The following SMOC2 variants were observed in gnomAD, a reference collection of about 807,000 sequenced individuals.
SMOC2 encodes SPARC related modular calcium binding 2, also known as SPARC-related modular calcium-binding protein 2.
SMOC2 carries 39 observed loss-of-function variants against 61.4 expected under a neutral mutation model. The ratio of observed to expected loss-of-function variants is 0.64; its 90% confidence interval spans 0.49 to 0.83. The LOEUF (loss-of-function observed/expected upper bound fraction) is 0.83. Ranked by LOEUF, SMOC2 falls within the 40% of genes least tolerant of loss-of-function variation. SMOC2 has a pLI of 0.00. For missense variants in SMOC2, 556 were observed against 592.9 expected (o/e 0.94, Z 0.65); for synonymous variants, 247 against 239.9 (o/e 1.03, Z -0.27).
In SMOC2 at chr6:168,453,649, TCTCTCTGTCTCTTC is replaced by T. The variant is rs1230387055; in HGVS notation, c.84+12198_84+12211del. Among the ~76,000 whole-genome samples the T allele has an allele frequency of 3.3e-5, 5 of 151,912 alleles. No homozygotes were observed. The highest frequency in any genetic ancestry group is 1.2e-4 in the African/African-American group (5 of 41,372). On this transcript the variant is annotated intron_variant, in intron 1 of 12. Coordinates refer to ENST00000356284, the MANE Select transcript of SMOC2 (RefSeq NM_001166412.2). This position sits in a 1 kb window ranked among gnomAD's most constrained non-coding sequence, Gnocchi z 4.4. Reference sequence around the variant, plus strand: ...GTCTCTTTGTCTCTCTCTGTCTCTTTCTCTCTGTCTCTTCCTGTCTCTTTCTGTCTCTGTCTCTC... The same window carrying T: ...GTCTCTTTGTCTCTCTCTGTCTCTTTCTGTCTCTTTCTGTCTCTGTCTCTC...
In SMOC2 at chr6:168,553,500, G is replaced by A. The variant is rs1034136357; in HGVS notation, c.637+4297G>A. 1.3e-5 allele frequency among the ~76,000 whole-genome samples: 2 copies of A among 152,168 alleles called. No individual in the cohort carries two copies. The highest frequency in any genetic ancestry group is 4.8e-5 in the African/African-American group (2 of 41,430). On this transcript the variant is annotated intron_variant, in intron 7 of 12. Coordinates refer to ENST00000356284, the MANE Select transcript of SMOC2 (RefSeq NM_001166412.2). This position sits in a 1 kb window ranked among gnomAD's most constrained non-coding sequence, Gnocchi z 4.2. ...TTAAGTACTTTCTAGATTTCTGCCT[G>A]ATTTCCTTTAAAACCAATCTAAAAC...
At chr6:168,619,195 A>G (rs1443323229) in intron 9 of SMOC2, among the ~76,000 whole-genome samples, 1 of 152,214 alleles carries the variant, frequency 6.6e-6, no homozygotes, top group Non-Finnish European at 1.5e-5. Flanking sequence ...ATAAAGTGCC[A>G]TTTAAAAAAT....
chr6:168,627,283 A>C (rs1786437971), intron 9 of SMOC2, among the ~76,000 whole-genome samples: 1 of 152,212 alleles, frequency 6.6e-6, no homozygotes, highest in African/African-American at 2.4e-5. Flanking sequence ...TGCCCTTTGG[A>C]AAGTGTGATA....
intron 1 of SMOC2, among the ~76,000 whole-genome samples, chr6:168,494,321 C>A (rs1218648349): frequency 6.6e-6 from 1 of 152,194 alleles, no homozygotes; most frequent in Non-Finnish European, 1.5e-5. Context: ...ATGTGATAAG[C>A]TGGTCTCCTT....
intron 1 of SMOC2, among the ~76,000 whole-genome samples, chr6:168,476,114 A>G (rs1034038483): frequency 1.3e-5 from 2 of 152,172 alleles, no homozygotes; most frequent in Admixed American, 6.5e-5. Flanking sequence ...TTTCTGATTC[A>G]AACTCTATTT....
intron 8 of SMOC2, among the ~76,000 whole-genome samples, chr6:168,601,316 G>A (rs115414779): frequency 0.026 from 4,008 of 152,238 alleles, 166 homozygotes; most frequent in African/African-American, 0.091. Context: ...GCGCTCCACC[G>A]TCCGGCCGCC....
intron 7 of SMOC2, among the ~76,000 whole-genome samples, chr6:168,598,095 CCT>C (rs1461153917): frequency 6.6e-6 from 1 of 152,192 alleles, no homozygotes; most frequent in Non-Finnish European, 1.5e-5. Flanking sequence ...AGTATGAATA[CCT>C]CTCATTATTA....
At chr6:168,467,524 G>A (rs1583037402) in intron 1 of SMOC2, among the ~76,000 whole-genome samples, 1 of 152,162 alleles carries the variant, frequency 6.6e-6, no homozygotes, top group East Asian at 1.9e-4. Flanking sequence ...TAGCCAAGAT[G>A]GTCTCTATCT....
intron 12 of SMOC2, 27 bp from the exon 13 acceptor site, chr6:168,666,394 G>C (rs766873726): frequency 2.5e-6 from 4 of 1,613,634 alleles, no homozygotes; most frequent in Non-Finnish European, 2.5e-6. Flanking sequence ...TGAATATAAT[G>C]TCTCTTTTTT....
intron 7 of SMOC2, among the ~76,000 whole-genome samples, chr6:168,563,271 T>C (rs1362164450): frequency 6.8e-6 from 1 of 147,506 alleles, no homozygotes; most frequent in Non-Finnish European, 1.5e-5. Flanking sequence ...TCGATGTATG[T>C]ATGTATGTAA....
intron 9 of SMOC2, among the ~76,000 whole-genome samples, chr6:168,630,957 C>G (rs1288146212): frequency 6.6e-6 from 1 of 152,168 alleles, no homozygotes; most frequent in East Asian, 1.9e-4. Flanking sequence ...CAATGGTGCC[C>G]AAAACTTCAT....
chr6:168,451,512 C>G (rs1434990367), intron 1 of SMOC2, among the ~76,000 whole-genome samples: 1 of 152,142 alleles, frequency 6.6e-6, no homozygotes, highest in Admixed American at 6.5e-5. Context: ...AGAGCCCTCT[C>G]TCTGTGCCCT....
Position 168,452,895 on chromosome 6 carries a change from A to C in SMOC2, c.84+11441A>C, listed in dbSNP as rs899142082. Among the ~76,000 whole-genome samples, 1 of 152,222 alleles carries C rather than the reference A, an allele frequency of 6.6e-6. No homozygotes were observed. The highest frequency in any genetic ancestry group is 1.9e-4 in the East Asian group (1 of 5,190). On this transcript the variant is annotated intron_variant, in intron 1 of 12. Transcript: ENST00000356284. The surrounding 1 kb of genome is among the most constrained non-coding windows in gnomAD (Gnocchi z 5.0). ...GGAGGCTGACACGAGGCTGACTCCCAGGCCACACTCTGTCAATTTCTGGGG... is the reference window on the plus strand; with the variant it reads ...GGAGGCTGACACGAGGCTGACTCCCCGGCCACACTCTGTCAATTTCTGGGG...
At chr6:168,583,907 C>T (rs1784982668) in intron 7 of SMOC2, among the ~76,000 whole-genome samples, 1 of 151,572 alleles carries the variant, frequency 6.6e-6, no homozygotes, top group African/African-American at 2.4e-5. Context: ...GAGGGCCTTG[C>T]AGCCGCTCCG....
At chr6:168,534,133 AT>A (rs147934946) in intron 4 of SMOC2, among the ~76,000 whole-genome samples, 9,584 of 152,132 alleles carry the variant, frequency 0.063, 530 homozygotes, top group East Asian at 0.3. Flanking sequence ...AAACTTGTGA[AT>A]TTTTTTCAGA....
At chr6:168,598,197 G>A (rs73262504) in intron 7 of SMOC2, among the ~76,000 whole-genome samples, 35 of 152,322 alleles carry the variant, frequency 2.3e-4, no homozygotes, top group South Asian at 1.7e-3. Flanking sequence ...TTTAGATAGC[G>A]TGCACCTGTT....
intron 9 of SMOC2, among the ~76,000 whole-genome samples, chr6:168,642,194 A>G (rs1437313927): frequency 2.0e-5 from 3 of 152,262 alleles, no homozygotes; most frequent in Non-Finnish European, 4.4e-5. Flanking sequence ...CAGAGACTCC[A>G]GCACAGCCAC....
At chr6:168,546,151 G>C (rs928710339) in intron 5 of SMOC2, among the ~76,000 whole-genome samples, 1 of 137,280 alleles carries the variant, frequency 7.3e-6, no homozygotes, top group African/African-American at 3.0e-5. Flanking sequence ...TCATGACTTA[G>C]TTATCTACGT....
rs575857645 is a variant in SMOC2 at position 168,611,105 on chromosome 6, A to T, written c.907+2866A>T. On this transcript the variant is annotated intron_variant, in intron 9 of 12. Transcript: ENST00000356284. ...TCTCCAGCCTCCCCAGCCCCCTGAC[A>T]TCCTCCCAGGTCCTCATGTGAGGCT... 3.6e-4 allele frequency among the ~76,000 whole-genome samples: 55 copies of T among 152,294 alleles called. No homozygotes were observed. In the South Asian group the frequency reaches 0.011, roughly 30 times the overall value.
Sources: gnomAD v4.1 joint callset for allele counts (sites outside exome capture counted in the v4.1 genomes callset) on GRCh38, gnomAD v4.1.1 for gene constraint, Gnocchi (gnomAD v3.1) non-coding constraint, MANE v1.5 for transcripts, NCBI Gene and HGNC (gene_info 2026-07-23, HGNC 2026-07-21) for gene names.